Variants in NYNRIN observed in about 807,000 individuals in gnomAD.
NYNRIN encodes protein NYNRIN.
In NYNRIN, 86 loss-of-function variants were observed where a neutral mutation model predicts 146.6. The ratio of observed to expected loss-of-function variants is 0.59; its 90% CI spans 0.49 to 0.70. The LOEUF (loss-of-function observed/expected upper bound fraction) is 0.70. NYNRIN is among the 30% of genes least tolerant of loss of function. NYNRIN has a pLI of 0.00. For synonymous variants in NYNRIN, 1,027 were observed against 1,001.3 expected (o/e 1.03, Z -0.48); for missense variants, 2,191 against 2,377.7 (o/e 0.92, Z 1.63).
chr14:24,412,853 C>G, intron 6 of NYNRIN, 144 bp from the exon 7 acceptor site: 1 of 582,698 alleles, frequency 1.7e-6, no homozygotes, highest in South Asian at 1.9e-5. Flanking sequence ...GGGATGGGCT[C>G]GGGGGTCCTG....
In NYNRIN at chr14:24,416,761, G is replaced by C. The variant is rs1261198000; in HGVS notation, c.5012G>C (p.Trp1671Ser). 6.2e-7 allele frequency: 1 copy of C among 1,613,792 alleles called. No individual in the cohort carries two copies. Among genetic ancestry groups the C allele is most frequent in the Non-Finnish European group, 8.5e-7 (1 of 1,179,856 alleles). ...CTGCTTCAGCATGTGTTTGCAAGGTGGGGTGTTCCTGTGAGGCTGGAGGCA... is the reference window on the plus strand; with the variant it reads ...CTGCTTCAGCATGTGTTTGCAAGGTCGGGTGTTCCTGTGAGGCTGGAGGCA... The part of the protein sequence containing the change: ...QVLLQHVFAR[W>S]GVPVRLEAAQ... Residue 1671 changes from tryptophan (W) to serine (S), a missense_variant, in exon 9 of 9, where the codon TGG (tryptophan) becomes TCG (serine). Coordinates refer to ENST00000382554, the MANE Select transcript of NYNRIN (RefSeq NM_025081.3).
chr14:24,412,702 G>A, intron 6 of NYNRIN: 1 of 261,936 alleles, frequency 3.8e-6, no homozygotes, highest in South Asian at 4.8e-5. Flanking sequence ...GTGAGTTTCT[G>A]TGTCTGTGCT....
In NYNRIN at chr14:24,409,853, C is replaced by A. The variant is rs756203827; in HGVS notation, c.2059C>A (p.Pro687Thr). Residue 687 changes from proline (P) to threonine (T), a missense_variant, in exon 4 of 9, where the codon CCC becomes ACC. Coordinates refer to ENST00000382554, the MANE Select transcript of NYNRIN (RefSeq NM_025081.3). ...APKTPAAQKVPTDAGPTLDVA... is the reference protein window; with the variant it reads ...APKTPAAQKVTTDAGPTLDVA... The stretch of plus-strand genomic sequence containing the variant: ...CAAAACACCTGCAGCTCAGAAGGTG[C>A]CCACGGATGCAGGGCCAACCTTGGA... 6.2e-7 allele frequency: 1 copy of A among 1,613,194 alleles called. No individual in the cohort carries two copies. Among genetic ancestry groups the A allele is most frequent in the African/African-American group, 1.3e-5 (1 of 74,934 alleles).
At position 24,416,758 on chromosome 14, in the gene NYNRIN, G is replaced by A; in HGVS notation, c.5009G>A (p.Arg1670Lys). Residue 1670 changes from arginine (R) to lysine (K), a missense_variant, in exon 9 of 9, where the codon AGG becomes AAG. Physicochemically the swap from Arg to Lys is conservative, Grantham distance 26. This residue lies in a region of NYNRIN where 1,291 missense variants were observed against 1,417.0 expected (regional missense o/e 0.91). Coordinates refer to ENST00000382554, the MANE Select transcript of NYNRIN (RefSeq NM_025081.3). ...AQVLLQHVFARWGVPVRLEAA... is the reference protein window; with the variant it reads ...AQVLLQHVFAKWGVPVRLEAA... ...GTGCTGCTTCAGCATGTGTTTGCAA[G>A]GTGGGGTGTTCCTGTGAGGCTGGAG... 1.2e-6 allele frequency: 2 copies of A among 1,613,890 alleles called. No individual in the cohort carries two copies. The highest frequency in any genetic ancestry group is 1.7e-6 in the Non-Finnish European group (2 of 1,179,872).
Position 24,416,900 on chromosome 14 carries a change from G to A in NYNRIN, c.5151G>A (p.Gly1717=), listed in dbSNP as rs201437530. The A allele has an allele frequency of 1.9e-6, 3 of 1,604,618 alleles. No homozygotes were observed. Among genetic ancestry groups the A allele is most frequent in the Middle Eastern group, 1.7e-4 (1 of 6,042 alleles). ...DLQFPCLTSS[G]AYWEFKRALK... ...AGTTCCCCTGCCTGACGAGCTCAGG[G>A]GCCTACTGGGAATTCAAGAGGGCCC... Residue 1717 remains glycine, a synonymous_variant, in exon 9 of 9, where the codon GGG becomes GGA. Transcript: ENST00000382554.
At chr14:24,399,109 A>C (rs1336203801) in intron 1 of NYNRIN, 23 bp downstream of exon 1, 3 of 760,090 alleles carry the variant, frequency 3.9e-6, no homozygotes, top group Non-Finnish European at 6.1e-6. Context: ...GCCTGGAGGA[A>C]GGAGGCCGTG....
chr14:24,416,863 G>C lies in NYNRIN; in HGVS notation c.5114G>C (p.Ser1705Thr), dbSNP rs969384970. 6.2e-7 allele frequency: 1 copy of C among 1,608,404 alleles called. No homozygotes were observed. Among genetic ancestry groups the C allele is most frequent in the South Asian group, 1.1e-5 (1 of 90,590 alleles). ...LALGAQVASL[S>T]RDLQFPCLTS... ...CTGGGAGCCCAGGTGGCCTCCCTGAGTCGGGACCTCCAGTTCCCCTGCCTG... is the reference window on the plus strand; with the variant it reads ...CTGGGAGCCCAGGTGGCCTCCCTGACTCGGGACCTCCAGTTCCCCTGCCTG... The change falls in exon 9 of 9, where the codon AGT becomes ACT. Residue 1705 changes from serine to threonine, a missense_variant. By Grantham distance (58) the Ser-to-Thr change is moderately conservative. This residue lies in a region of NYNRIN where 1,291 missense variants were observed against 1,417.0 expected (regional missense o/e 0.91). Transcript: ENST00000382554.
At position 24,414,996 on chromosome 14, in the gene NYNRIN, G is replaced by A. The variant is rs1555327405; in HGVS notation, c.3247G>A (p.Ala1083Thr). The change falls in exon 9 of 9, where the codon GCC becomes ACC. Residue 1083 changes from alanine to threonine, a missense_variant. By Grantham distance (58) the Ala-to-Thr change is moderately conservative (BLOSUM62 0). Transcript: ENST00000382554. The part of the protein sequence containing the change: ...APCQQVLAHL[A>T]QLTIPSNFTA... The stretch of plus-strand genomic sequence containing the variant: ...CTGCCAGCAGGTTCTTGCCCACCTG[G>A]CCCAGCTCACCATCCCCAGCAACTT... 5 of 1,599,522 alleles carry A rather than the reference G, an allele frequency of 3.1e-6. No individual in the cohort carries two copies. In the East Asian group the frequency reaches 1.1e-4, roughly 36 times the overall value.
chr14:24,410,312 C>T (rs1257019429), intron 4 of NYNRIN, 104 bp downstream of exon 4: 12 of 916,574 alleles, frequency 1.3e-5, no homozygotes, highest in South Asian at 3.4e-5. Flanking sequence ...TTCCTATGGG[C>T]GACATGGGGA....
intron 2 of NYNRIN, among the ~76,000 whole-genome samples, chr14:24,402,274 G>A (rs1363714788): frequency 6.6e-6 from 1 of 152,218 alleles, no homozygotes; most frequent in Admixed American, 6.5e-5. Context: ...CCTCTCTGAG[G>A]TGAAATCAGT....
At position 24,408,519 on chromosome 14, in the gene NYNRIN, G is replaced by T. The variant is rs769850739; in HGVS notation, c.849G>T (p.Gln283His). ...GCACACCGCAGGAGGCAGCAAACCA[G>T]CTGGTACGGTAAGTTCTGGAGAATG... The part of the protein sequence containing the change: ...AQSTPQEAAN[Q>H]LVRVGSNNQD... Residue 283 changes from glutamine (Q) to histidine (H), a missense_variant, in exon 3 of 9, where the codon CAG becomes CAT. Transcript: ENST00000382554. 5.2e-5 allele frequency: 81 copies of T among 1,571,608 alleles called. No individual in the cohort carries two copies. Among genetic ancestry groups the T allele is most frequent in the Non-Finnish European group, 7.0e-5 (81 of 1,158,906 alleles).
chr14:24,408,868 A>T lies in NYNRIN; in HGVS notation c.1074A>T (p.Pro358=). ...GGACCCCGGGGCCAGCCTTTGGGCC[A>T]TTGTGGCCGGGGGCTATTGCTGCAA... is the stretch of plus-strand genomic sequence containing the variant. The part of the protein sequence containing the change: ...KAWTPGPAFG[P]LWPGAIAATF... The change falls in exon 4 of 9, where the codon CCA becomes CCT. Residue 358 remains proline (P), a synonymous_variant. Transcript: ENST00000382554. The T allele has an allele frequency of 6.2e-7, 1 of 1,614,004 alleles. No homozygotes were observed. The highest frequency in any genetic ancestry group is 1.3e-5 in the African/African-American group (1 of 75,064).
rs2042900941 is a variant in NYNRIN, at chr14:24,409,934, C to G, written c.2140C>G (p.Leu714Val). Reference sequence around the variant, plus strand: ...TACATCAAGGGCTAGTGTCTCCTTACTGAAGGGCCAGGGGCAGGCTGGAAG... The same window carrying G: ...TACATCAAGGGCTAGTGTCTCCTTAGTGAAGGGCCAGGGGCAGGCTGGAAG... ...QPTSRASVSLLKGQGQAGRQG... is the reference protein window; with the variant it reads ...QPTSRASVSLVKGQGQAGRQG... The change falls in exon 4 of 9, where the codon CTG (leucine) becomes GTG (valine). Residue 714 changes from leucine to valine, a missense_variant. Leu to Val is a conservative substitution (Grantham distance 32). Coordinates refer to ENST00000382554, the MANE Select transcript of NYNRIN (RefSeq NM_025081.3). The G allele has an allele frequency of 1.2e-6, 2 of 1,613,598 alleles. No individual in the cohort carries two copies. Among genetic ancestry groups the G allele is most frequent in the African/African-American group, 2.7e-5 (2 of 74,934 alleles).
Position 24,416,330 on chromosome 14 carries a change from A to G in NYNRIN, c.4581A>G (p.Gly1527=). Residue 1527 remains glycine, a synonymous_variant, in exon 9 of 9, where the codon GGA becomes GGG. Coordinates refer to ENST00000382554, the MANE Select transcript of NYNRIN (RefSeq NM_025081.3). ...AGAGTGGCCTGCTTATGTTCAAGGGAGATAAGAAGCCCAGGGTCTGGGTAG... is the reference window on the plus strand; with the variant it reads ...AGAGTGGCCTGCTTATGTTCAAGGGGGATAAGAAGCCCAGGGTCTGGGTAG... ...DKESGLLMFK[G]DKKPRVWVVP... is the part of the protein sequence containing the mutation. The G allele has an allele frequency of 6.2e-7, 1 of 1,613,678 alleles. No individual in the cohort carries two copies.
rs557266750 is a variant in NYNRIN, at chr14:24,408,013, C to G, written c.343C>G (p.Pro115Ala). 3.7e-6 allele frequency: 6 copies of G among 1,614,020 alleles called. No individual in the cohort carries two copies. The South Asian group carries it at 5.5e-5, about 15-fold the overall frequency. Residue 115 changes from proline (P) to alanine (A), a missense_variant, in exon 3 of 9, where the codon CCT becomes GCT. By Grantham distance (27) the Pro-to-Ala change is conservative (BLOSUM62 -1). This residue lies in a region of NYNRIN where 895 missense variants were observed against 941.2 expected (regional missense o/e 0.95). Transcript: ENST00000382554. ...STLAYLVPGP[P>A]GSLMVGGLTE... ...CCTTGCCTACCTGGTGCCTGGCCCCCCTGGCTCCCTGATGGTGGGCGGGCT... is the reference window on the plus strand; with the variant it reads ...CCTTGCCTACCTGGTGCCTGGCCCCGCTGGCTCCCTGATGGTGGGCGGGCT...
In NYNRIN at chr14:24,416,038, C is replaced by G; in HGVS notation, c.4289C>G (p.Thr1430Ser). Residue 1430 changes from threonine to serine, a missense_variant, in exon 9 of 9, where the codon ACC becomes AGC. By Grantham distance (58) the Thr-to-Ser change is moderately conservative. Around this residue, in one of 3 missense-constraint regions of NYNRIN, gnomAD observed 1,291 missense variants for 1,417.0 expected, o/e 0.91. Transcript: ENST00000382554. The stretch of plus-strand genomic sequence containing the variant: ...TCATCCCTTCCGTTTATCTACCGAA[C>G]CTCCTACCGGGGCTCTCTGTTTGCT... Reference protein sequence around the residue: ...GLSSLPFIYRTSYRGSLFAVT... With the variant: ...GLSSLPFIYRSSYRGSLFAVT... 6.2e-7 allele frequency: 1 copy of G among 1,614,044 alleles called. No homozygotes were observed. Among genetic ancestry groups the G allele is most frequent in the Non-Finnish European group, 8.5e-7 (1 of 1,179,888 alleles).
chr14:24,416,100 G>C lies in NYNRIN; in HGVS notation c.4351G>C (p.Gly1451Arg). The stretch of plus-strand genomic sequence containing the variant: ...CACCCTGGCCAAGCAGGGTGCCCAG[G>C]GGGGTGGGCAGTGGTGGAGTTTGCC... Reference protein sequence around the residue: ...VDTLAKQGAQGGGQWWSLPKD... With the variant: ...VDTLAKQGAQRGGQWWSLPKD... The change falls in exon 9 of 9, where the codon GGG becomes CGG. Residue 1451 changes from glycine to arginine, a missense_variant. Coordinates refer to ENST00000382554, the MANE Select transcript of NYNRIN (RefSeq NM_025081.3). 3 of 1,613,992 alleles carry C rather than the reference G, an allele frequency of 1.9e-6. No individual in the cohort carries two copies. The highest frequency in any genetic ancestry group is 2.5e-6 in the Non-Finnish European group (3 of 1,179,870).
rs1347838752 is a variant in NYNRIN, at chr14:24,409,718, A to G, written c.1924A>G (p.Thr642Ala). 6.2e-7 allele frequency: 1 copy of G among 1,606,846 alleles called. No homozygotes were observed. ...AAAAACATCACCTGCAGGTCCCAAA[A>G]CACCCAAAGCTCAAGCCGGGCCTGC... ...VAKTSPAGPK[T>A]PKAQAGPAAT... is the part of the protein sequence containing the mutation. Residue 642 changes from threonine (T) to alanine (A), a missense_variant, in exon 4 of 9, where the codon ACA (threonine) becomes GCA (alanine). Transcript: ENST00000382554.
intron 6 of NYNRIN, among the ~76,000 whole-genome samples, chr14:24,412,171 G>T (rs193180428): frequency 4.1e-4 from 62 of 152,350 alleles, no homozygotes; most frequent in Non-Finnish European, 4.4e-5. Context: ...CCTGGGAAGG[G>T]CTGGGCAGAG....
Sources: gnomAD v4.1 joint callset for allele counts (sites outside exome capture counted in the v4.1 genomes callset) on GRCh38, gnomAD v4.1.1 for gene constraint, gnomAD v4.1.1 regional missense constraint, MANE v1.5 for transcripts, NCBI Gene and HGNC (gene_info 2026-07-23, HGNC 2026-07-21) for gene names.